Variants in REC114 observed in about 807,000 individuals in gnomAD.
The protein encoded by REC114 is REC114 meiotic recombination protein.
Under a neutral mutation model 31.3 loss-of-function variants are expected in REC114, and 27 were observed. The ratio of observed to expected loss-of-function variants is 0.86; its 90% CI spans 0.64 to 1.19. The LOEUF is 1.19. REC114 is among the 50% of genes most tolerant of loss of function. REC114 has a pLI of 0.00. For synonymous variants in REC114, 134 were observed against 127.7 expected (o/e 1.05, Z -0.33); for missense variants, 344 against 326.9 (o/e 1.05, Z -0.40).
At chr15:73,518,669 G>C (rs544905573) in intron 2 of REC114, among the ~76,000 whole-genome samples, 51 of 152,278 alleles carry the variant, frequency 3.3e-4, no homozygotes, top group African/African-American at 1.2e-3. Context: ...TAGGGGGAGG[G>C]GTGATCTCCC....
intron 1 of REC114, among the ~76,000 whole-genome samples, chr15:73,463,756 G>A (rs567384932): frequency 6.6e-6 from 1 of 152,178 alleles, no homozygotes; most frequent in South Asian, 2.1e-4. Flanking sequence ...ACGAGACAGA[G>A]GTTTCAGTGA....
rs757153075 is a variant in REC114, at chr15:73,443,349, G to A, written c.159+5G>A. 22 of 1,564,072 alleles carry A rather than the reference G, an allele frequency of 1.4e-5. No homozygotes were observed. Among genetic ancestry groups the A allele is most frequent in the Non-Finnish European group, 1.8e-5 (21 of 1,156,084 alleles). Reference sequence around the variant, plus strand: ...GCCCCCTGCCCCACATGGAAGGTGAGGCCCGAAGGCAGGAATATCCCTGAG... The same window carrying A: ...GCCCCCTGCCCCACATGGAAGGTGAAGCCCGAAGGCAGGAATATCCCTGAG... On this transcript the variant is annotated splice_donor_5th_base_variant and intron_variant, in intron 1 of 5. Coordinates refer to ENST00000331090, the MANE Select transcript of REC114 (RefSeq NM_001042367.2).
rs117758990 is a variant in REC114, at chr15:73,523,559, A to C, written c.250-16926A>C. ...TAGGTTACAGTTCATCCACAAGGAC[A>C]CAAATGTAGAAGTATGGAGTCCTTC... is the stretch of plus-strand genomic sequence containing the variant. On this transcript the variant is annotated intron_variant, in intron 2 of 5. Coordinates refer to ENST00000331090, the MANE Select transcript of REC114 (RefSeq NM_001042367.2). 1.2e-3 allele frequency among the ~76,000 whole-genome samples: 183 copies of C among 152,364 alleles called. 6 individuals are homozygous for C. In the East Asian group the frequency reaches 0.029, roughly 24 times the overall value.
chr15:73,553,015 A>C (rs1894413388), intron 4 of REC114, among the ~76,000 whole-genome samples: 1 of 152,086 alleles, frequency 6.6e-6, no homozygotes, highest in Non-Finnish European at 1.5e-5. Flanking sequence ...GGGTTTCATT[A>C]TGTTGGCCAA....
chr15:73,521,524 A>G (rs1291539097), intron 2 of REC114, among the ~76,000 whole-genome samples: 2 of 152,154 alleles, frequency 1.3e-5, no homozygotes, highest in Non-Finnish European at 2.9e-5. Flanking sequence ...CAAATGTATA[A>G]CAAAAAAAAT....
At chr15:73,485,597 A>G (rs748614745) in intron 2 of REC114, among the ~76,000 whole-genome samples, 11 of 152,164 alleles carry the variant, frequency 7.2e-5, no homozygotes, top group Non-Finnish European at 1.5e-4. Flanking sequence ...AGATCTGGTT[A>G]CATAAAGTGT....
At chr15:73,450,076 A>T (rs1047678707) in intron 1 of REC114, among the ~76,000 whole-genome samples, 3 of 152,230 alleles carry the variant, frequency 2.0e-5, no homozygotes, top group Non-Finnish European at 4.4e-5. Context: ...AAGAAACTGC[A>T]TCAACTAACT....
intron 3 of REC114, among the ~76,000 whole-genome samples, chr15:73,542,560 C>T (rs748976008): frequency 5.9e-5 from 9 of 152,082 alleles, no homozygotes; most frequent in African/African-American, 9.7e-5. Flanking sequence ...TAGCTCTCCA[C>T]CACCCACAAC....
chr15:73,484,719 G>A (rs1282301745), intron 2 of REC114, among the ~76,000 whole-genome samples: 1 of 152,124 alleles, frequency 6.6e-6, no homozygotes, highest in African/African-American at 2.4e-5. Flanking sequence ...ATCTCAGTTG[G>A]CTTTGGTCCA....
At chr15:73,523,615 A>G (rs1036972478) in intron 2 of REC114, among the ~76,000 whole-genome samples, 3 of 152,204 alleles carry the variant, frequency 2.0e-5, no homozygotes, top group Non-Finnish European at 4.4e-5. Context: ...TTTAACGTAT[A>G]TATGTTGTGA....
At chr15:73,443,392 G>A (rs930837909) in intron 1 of REC114, 48 bp downstream of exon 1, 1 of 1,518,310 alleles carries the variant, frequency 6.6e-7, no homozygotes, top group South Asian at 1.2e-5. Flanking sequence ...CAGCCCTCAG[G>A]AGGGGAGGCT....
rs750709030 is a variant in REC114 at position 73,556,285 on chromosome 15, ATGT to A, written c.547-12_547-10del. 4 of 1,606,624 alleles carry A rather than the reference ATGT, an allele frequency of 2.5e-6. No homozygotes were observed. The highest frequency in any genetic ancestry group is 2.7e-5 in the African/African-American group (2 of 74,514). ...TACATTCAGCTAGTCTCCTTATTGC[ATGT>A]TGTTTTATTCCAGTCCCACCAGCAC... On this transcript the variant is annotated splice_polypyrimidine_tract_variant and intron_variant, in intron 4 of 5. Transcript: ENST00000331090.
intron 2 of REC114, among the ~76,000 whole-genome samples, chr15:73,475,991 G>C (rs552110927): frequency 6.6e-6 from 1 of 152,160 alleles, no homozygotes; most frequent in African/African-American, 2.4e-5. Context: ...TTGCCTACAG[G>C]GTTCAGTACG....
intron 4 of REC114, among the ~76,000 whole-genome samples, chr15:73,552,057 C>A (rs1012951238): frequency 1.3e-5 from 2 of 152,142 alleles, no homozygotes; most frequent in African/African-American, 4.8e-5. Context: ...CTGAATGCCA[C>A]AAAATTATAC....
intron 1 of REC114, 52 bp from the exon 2 acceptor site, chr15:73,473,780 A>C (rs1893168498): frequency 2.0e-6 from 2 of 994,202 alleles, no homozygotes; most frequent in African/African-American, 1.6e-5. Flanking sequence ...TAAGTTTATC[A>C]GTTATAGAAA....
At chr15:73,524,754 T>TGGTGGG (rs1893983561) in intron 2 of REC114, among the ~76,000 whole-genome samples, 1 of 152,104 alleles carries the variant, frequency 6.6e-6, no homozygotes, top group Non-Finnish European at 1.5e-5. Flanking sequence ...CCCACCACCA[T>TGGTGGG]GCTAGGCTAA....
chr15:73,509,184 T>C (rs1362749821), intron 2 of REC114, among the ~76,000 whole-genome samples: 1 of 152,206 alleles, frequency 6.6e-6, no homozygotes, highest in Non-Finnish European at 1.5e-5. Context: ...TTTGCGTTTC[T>C]CTGATGGCCA....
At chr15:73,494,872 C>T (rs1446702872) in intron 2 of REC114, among the ~76,000 whole-genome samples, 1 of 152,178 alleles carries the variant, frequency 6.6e-6, no homozygotes. Flanking sequence ...GCGTATATAT[C>T]TAGCTTCACT....
rs1894561556 is a variant in REC114 at position 73,559,945 on chromosome 15, C to T, written c.*29C>T. Reference sequence around the variant, plus strand: ...TCTATATACATATATAACTAAGGAACTTCAAAGTATTGAAAAATGCTTCCT... The same window carrying T: ...TCTATATACATATATAACTAAGGAATTTCAAAGTATTGAAAAATGCTTCCT... On this transcript the variant is annotated 3_prime_UTR_variant, in exon 6 of 6. Coordinates refer to ENST00000331090, the MANE Select transcript of REC114 (RefSeq NM_001042367.2). 1 of 1,527,980 alleles carries T rather than the reference C, an allele frequency of 6.5e-7. No individual in the cohort carries two copies. Among genetic ancestry groups the T allele is most frequent in the Admixed American group, 2.4e-5 (1 of 41,844 alleles). 94.7% of individuals were successfully genotyped at this position (1,527,980 alleles called of 1,614,324 possible).
Sources: gnomAD v4.1 joint callset for allele counts (sites outside exome capture counted in the v4.1 genomes callset) on GRCh38, gnomAD v4.1.1 for gene constraint, MANE v1.5 for transcripts, NCBI Gene and HGNC (gene_info 2026-07-23, HGNC 2026-07-21) for gene names.